CSMD1: variants seen among roughly 807,000 people sequenced by gnomAD.
CSMD1 encodes the protein CUB and sushi domain-containing protein 1.
Under a neutral mutation model 417.5 loss-of-function variants are expected in CSMD1, and 213 were observed. The observed-to-expected ratio is 0.51, with a 90% CI of 0.46 to 0.57. The LOEUF (loss-of-function observed/expected upper bound fraction) is 0.57, where lower values mean the gene tolerates loss of function less well. CSMD1 is among the 20% of genes least tolerant of loss of function. CSMD1 has a pLI of 0.00. For missense variants in CSMD1, 6,923 were observed against 4,529.7 expected (o/e 1.53, Z -15.17); for synonymous variants, 2,862 against 1,736.8 (o/e 1.65, Z -16.11).
At chr8:3,561,491 T>C (rs142208071) in intron 10 of CSMD1, among the ~76,000 whole-genome samples, 13 of 152,188 alleles carry the variant, frequency 8.5e-5, no homozygotes, top group Admixed American at 6.5e-4. Flanking sequence ...TGGAACAGAA[T>C]GTCATTATCC....
chr8:4,199,551 G>T (rs770049958), intron 3 of CSMD1, among the ~76,000 whole-genome samples: 3 of 152,070 alleles, frequency 2.0e-5, no homozygotes, highest in African/African-American at 7.2e-5. Context: ...AATCCTCTCG[G>T]CTACCAAAGG....
At chr8:4,046,903 G>A (rs981234352) in intron 3 of CSMD1, among the ~76,000 whole-genome samples, 1 of 152,044 alleles carries the variant, frequency 6.6e-6, no homozygotes, top group African/African-American at 2.4e-5. Flanking sequence ...ATCTAAAAAT[G>A]GGCAGAGAGA....
chr8:4,837,832 A>G (rs1800593172), intron 1 of CSMD1, among the ~76,000 whole-genome samples: 1 of 152,166 alleles, frequency 6.6e-6, no homozygotes, highest in Non-Finnish European at 1.5e-5. Flanking sequence ...CTTATTTGAT[A>G]TAGCATGCCT....
At chr8:3,900,986 T>C (rs1187305797) in intron 5 of CSMD1, among the ~76,000 whole-genome samples, 1 of 152,260 alleles carries the variant, frequency 6.6e-6, no homozygotes, top group Non-Finnish European at 1.5e-5. Flanking sequence ...TTATGATTTT[T>C]CATTATTGCT....
chr8:2,946,966 T>C (rs1802284464), intron 68 of CSMD1, among the ~76,000 whole-genome samples: 3 of 152,238 alleles, frequency 2.0e-5, no homozygotes, highest in African/African-American at 7.2e-5. Flanking sequence ...TGCATTTCCC[T>C]GATAATGATT....
chr8:4,169,077 G>C (rs1019802406), intron 3 of CSMD1, among the ~76,000 whole-genome samples: 1 of 152,134 alleles, frequency 6.6e-6, no homozygotes, highest in Non-Finnish European at 1.5e-5. Flanking sequence ...CTCCCTACCT[G>C]TAAGCCTGCT....
intron 23 of CSMD1, among the ~76,000 whole-genome samples, chr8:3,332,155 T>G (rs139052466): frequency 9.2e-5 from 14 of 152,352 alleles, no homozygotes; most frequent in Admixed American, 3.9e-4. Context: ...AAATGTTTGT[T>G]GAGATATCTA....
intron 1 of CSMD1, among the ~76,000 whole-genome samples, chr8:4,831,028 A>T (rs1800119588): frequency 6.6e-6 from 1 of 152,232 alleles, no homozygotes; most frequent in African/African-American, 2.4e-5. Context: ...CTTGGTGAAT[A>T]ACAGGATGAT....
chr8:3,119,181 C>G (rs1033173369), intron 41 of CSMD1, among the ~76,000 whole-genome samples: 2 of 150,874 alleles, frequency 1.3e-5, no homozygotes, highest in African/African-American at 4.9e-5. Flanking sequence ...CTCTGTCCCC[C>G]GCCCCAAAAA....
In CSMD1 at chr8:4,702,170, C is replaced by T. The variant is rs139407214; in HGVS notation, c.86-64612G>A. Among the ~76,000 whole-genome samples the T allele has an allele frequency of 9.7e-3, 1,471 of 152,214 alleles. 20 individuals carry two copies. Among genetic ancestry groups the T allele is most frequent in the African/African-American group, 0.033 (1,381 of 41,528 alleles). ...AGCTAATGAATGCTGGGCTTAATAC[C>T]TAGGTGATGGGTTGACAGGTGCAGC... is the stretch of plus-strand genomic sequence containing the variant. On this transcript the variant is annotated intron_variant, in intron 1 of 69. Transcript: ENST00000635120.
At chr8:4,259,006 G>C (rs1396990698) in intron 3 of CSMD1, among the ~76,000 whole-genome samples, 1 of 152,192 alleles carries the variant, frequency 6.6e-6, no homozygotes, top group Non-Finnish European at 1.5e-5. Context: ...CTGCAGAAGA[G>C]ACGTTTGTTG....
intron 3 of CSMD1, among the ~76,000 whole-genome samples, chr8:4,260,061 T>C (rs889921397): frequency 6.6e-6 from 1 of 152,066 alleles, no homozygotes; most frequent in Non-Finnish European, 1.5e-5. Context: ...AAGGGAAGTG[T>C]TGTCTTAGAG....
intron 12 of CSMD1, among the ~76,000 whole-genome samples, chr8:3,458,571 G>A (rs937022697): frequency 2.5e-4 from 38 of 152,068 alleles, no homozygotes; most frequent in South Asian, 2.1e-4. Flanking sequence ...TTTTAATATC[G>A]TTTCAGTAAA....
intron 2 of CSMD1, among the ~76,000 whole-genome samples, chr8:4,446,767 G>GTGCGTGTGTC (rs1798831942): frequency 2.0e-5 from 2 of 101,894 alleles, no homozygotes; most frequent in African/African-American, 9.8e-5. Context: ...GTGTGTGTGT[G>GTGCGTGTGTC]TGTGTGTGTG....
chr8:4,425,870 A>C (rs928941401), intron 2 of CSMD1, among the ~76,000 whole-genome samples: 2 of 152,092 alleles, frequency 1.3e-5, no homozygotes, highest in African/African-American at 4.8e-5. Flanking sequence ...TAAACTTTGA[A>C]TATTTCAACA....
intron 3 of CSMD1, among the ~76,000 whole-genome samples, chr8:4,398,802 A>G (rs1804446955): frequency 6.6e-6 from 1 of 152,148 alleles, no homozygotes. Context: ...CCTATGAATG[A>G]CCCTATCTTG....
At chr8:4,249,677 C>G (rs1402282185) in intron 3 of CSMD1, among the ~76,000 whole-genome samples, 1 of 152,192 alleles carries the variant, frequency 6.6e-6, no homozygotes, top group Non-Finnish European at 1.5e-5. Context: ...CTCTCTTCTC[C>G]TACCGCTGTT....
intron 12 of CSMD1, among the ~76,000 whole-genome samples, chr8:3,460,816 G>T (rs1198779378): frequency 6.6e-6 from 1 of 152,144 alleles, no homozygotes; most frequent in Non-Finnish European, 1.5e-5. Context: ...CCGCACTCTG[G>T]GTAAGAACAG....
At chr8:3,722,281 C>A (rs1439103660) in intron 6 of CSMD1, among the ~76,000 whole-genome samples, 1 of 152,082 alleles carries the variant, frequency 6.6e-6, no homozygotes, top group Non-Finnish European at 1.5e-5. Flanking sequence ...GCACTCCAGC[C>A]TGGGCGACAG....
Sources: gnomAD v4.1 joint callset for allele counts (sites outside exome capture counted in the v4.1 genomes callset) on GRCh38, gnomAD v4.1.1 for gene constraint, MANE v1.5 for transcripts, NCBI Gene and HGNC (gene_info 2026-07-23, HGNC 2026-07-21) for gene names.